The following BLM variants were observed in gnomAD, a reference collection of about 807,000 sequenced individuals.
The protein encoded by BLM is recQ-like DNA helicase BLM.
Under a neutral mutation model 135.3 loss-of-function variants are expected in BLM, and 95 were observed. The observed-to-expected ratio is 0.70, with a 90% CI of 0.59 to 0.83. The LOEUF (loss-of-function observed/expected upper bound fraction) is 0.83, where lower values mean the gene tolerates loss of function less well. BLM is among the 40% of genes least tolerant of loss of function. The pLI is 0.00. For synonymous variants in BLM, 520 were observed against 589.2 expected (o/e 0.88, Z 1.70); for missense variants, 1,518 against 1,663.9 (o/e 0.91, Z 1.53).
chr15:90,722,915 A>G (rs1390353089), intron 1 of BLM, among the ~76,000 whole-genome samples: 1 of 152,106 alleles, frequency 6.6e-6, no homozygotes, highest in African/African-American at 2.4e-5. Context: ...ATCTCGGCTC[A>G]CTGCAACCTC....
chr15:90,798,917 A>T (rs1227100712), intron 17 of BLM, among the ~76,000 whole-genome samples: 2 of 151,960 alleles, frequency 1.3e-5, no homozygotes, highest in African/African-American at 2.4e-5. Context: ...CGGGAAGTGA[A>T]GACTGCAGTG....
Position 90,749,883 on chromosome 15 carries a change from G to C in BLM, c.615G>C (p.Lys205Asn), listed in dbSNP as rs28903082. 6.2e-7 allele frequency: 1 copy of C among 1,611,530 alleles called. No individual in the cohort carries two copies. The highest frequency in any genetic ancestry group is 8.5e-7 in the Non-Finnish European group (1 of 1,178,192). The change falls in exon 3 of 22, where the codon AAG becomes AAC. Residue 205 changes from lysine to asparagine, a missense_variant. Lys to Asn is a moderately conservative substitution (Grantham distance 94, BLOSUM62 0). Transcript: ENST00000355112. ...KAQLYTTNTV[K>N]TDLPPPSSES... ...AGCTTTATACAACAAACACAGTAAAGACTGATTTGCCTCCACCCTCCTCTG... is the reference window on the plus strand; with the variant it reads ...AGCTTTATACAACAAACACAGTAAACACTGATTTGCCTCCACCCTCCTCTG...
rs141503266 is a variant in BLM, at chr15:90,749,522, G to C, written c.254G>C (p.Arg85Thr). ...EPLPNTTNQQ[R>T]VKDFFKNAPA... ...CTACCCAACACCACAAATCAGCAAA[G>C]GGTCAAGGACTTCTTTAAAAATGCT... Residue 85 changes from arginine to threonine, a missense_variant, in exon 3 of 22, where the codon AGG becomes ACG. Arg to Thr is a moderately conservative substitution (Grantham distance 71, BLOSUM62 -1). Coordinates refer to ENST00000355112, the MANE Select transcript of BLM (RefSeq NM_000057.4). 579 of 1,614,124 alleles carry C rather than the reference G, an allele frequency of 3.6e-4. 1 individual carries two copies. The African/African-American group carries it at 6.6e-3, about 19-fold the overall frequency.
chr15:90,811,769 C>T (rs1897427480), intron 21 of BLM, among the ~76,000 whole-genome samples: 1 of 152,064 alleles, frequency 6.6e-6, no homozygotes. Flanking sequence ...GTGATCCTCC[C>T]ACCTCAGCCT....
chr15:90,767,924 G>A (rs1436187164), intron 10 of BLM, among the ~76,000 whole-genome samples: 1 of 150,956 alleles, frequency 6.6e-6, no homozygotes, highest in Non-Finnish European at 1.5e-5. Context: ...ATAAGGAAGA[G>A]TTTTCCTGTT....
chr15:90,777,229 G>A (rs1197348310), intron 12 of BLM, among the ~76,000 whole-genome samples: 3 of 151,950 alleles, frequency 2.0e-5, no homozygotes, highest in African/African-American at 7.3e-5. Context: ...GTAGCTCACC[G>A]CAACCTCCAC....
intron 21 of BLM, among the ~76,000 whole-genome samples, chr15:90,812,177 G>A (rs1897437997): frequency 6.6e-6 from 1 of 152,044 alleles, no homozygotes; most frequent in South Asian, 2.1e-4. Flanking sequence ...AGAATCCCAT[G>A]GATCTCCACC....
intron 2 of BLM, among the ~76,000 whole-genome samples, chr15:90,747,871 G>A (rs900373709): frequency 9.2e-5 from 14 of 151,654 alleles, no homozygotes; most frequent in Admixed American, 6.6e-5. Context: ...GCAGTGGCGC[G>A]ATCTTGGCTC....
chr15:90,745,155 C>T lies in BLM; in HGVS notation c.-4-2234C>T, dbSNP rs910924293. On this transcript the variant is annotated intron_variant, in intron 1 of 21. Transcript: ENST00000355112. The stretch of plus-strand genomic sequence containing the variant: ...GGAACATCTTTTGAGAGGAAAGAAG[C>T]TCTCAATGACTCATAAGGTTAAGTC... Among the ~76,000 whole-genome samples, 7 of 152,246 alleles carry T rather than the reference C, an allele frequency of 4.6e-5. No individual in the cohort carries two copies. In the South Asian group the frequency reaches 1.2e-3, roughly 27 times the overall value.
At chr15:90,764,942 G>A (rs969934445) in intron 8 of BLM, among the ~76,000 whole-genome samples, 11 of 152,132 alleles carry the variant, frequency 7.2e-5, no homozygotes, top group South Asian at 6.2e-4. Context: ...GGTGGTGCAT[G>A]CCTATAGTCC....
chr15:90,770,957 TTTAAG>T (rs1054779361), intron 12 of BLM, among the ~76,000 whole-genome samples: 2 of 152,192 alleles, frequency 1.3e-5, no homozygotes, highest in African/African-American at 4.8e-5. Flanking sequence ...TCTTCCAGCC[TTTAAG>T]TTGTTTGGTT....
chr15:90,737,544 G>C (rs1030154292), intron 1 of BLM, among the ~76,000 whole-genome samples: 3 of 152,136 alleles, frequency 2.0e-5, no homozygotes, highest in Admixed American at 2.0e-4. Context: ...ATAAGAAAGT[G>C]CCTGATGGGA....
intron 14 of BLM, among the ~76,000 whole-genome samples, chr15:90,785,998 CTTTT>C (rs869185558): frequency 3.6e-5 from 4 of 110,702 alleles, no homozygotes; most frequent in Non-Finnish European, 5.8e-5. Context: ...TCGTTTCTTT[CTTTT>C]TTTTTTTTTT....
rs774777021 is a variant in BLM, at chr15:90,749,867, CAACA to C, written c.604_607del (p.Asn202GlnfsTer2). On this transcript the variant is annotated frameshift_variant, in exon 3 of 22. Coordinates refer to ENST00000355112, the MANE Select transcript of BLM (RefSeq NM_000057.4). LOFTEE classifies it high-confidence loss of function. ...AACTTTTTTAAAGCACAGCTTTATA[CAACA>C]AACACAGTAAAGACTGATTTGCCTC... 2.5e-6 allele frequency: 4 copies of C among 1,607,126 alleles called. No individual in the cohort carries two copies. The highest frequency in any genetic ancestry group is 3.4e-6 in the Non-Finnish European group (4 of 1,176,264).
intron 18 of BLM, 30 bp from the exon 19 acceptor site, chr15:90,804,137 A>C (rs755673641): frequency 1.3e-6 from 2 of 1,593,342 alleles, no homozygotes; most frequent in East Asian, 4.5e-5. Flanking sequence ...ACATATACCC[A>C]CTCCTATGAT....
chr15:90,730,066 G>A (rs1895025939), intron 1 of BLM, among the ~76,000 whole-genome samples: 1 of 151,980 alleles, frequency 6.6e-6, no homozygotes, highest in African/African-American at 2.4e-5. Flanking sequence ...ATGTTGGCCA[G>A]GCTGATCTCG....
intron 15 of BLM, among the ~76,000 whole-genome samples, chr15:90,793,532 C>T (rs1896957164): frequency 1.3e-5 from 2 of 152,196 alleles, no homozygotes; most frequent in Admixed American, 6.5e-5. Flanking sequence ...ACCCTCATTT[C>T]CTGTTTCACA....
intron 16 of BLM, among the ~76,000 whole-genome samples, chr15:90,796,433 G>A (rs1270277226): frequency 6.6e-6 from 1 of 152,150 alleles, no homozygotes; most frequent in Non-Finnish European, 1.5e-5. Flanking sequence ...TGTACACTTC[G>A]CAGCCATAGT....
In BLM at chr15:90,803,534, A is replaced by C; in HGVS notation, c.3372A>C (p.Ala1124=). The C allele has an allele frequency of 6.2e-7, 1 of 1,613,670 alleles. No homozygotes were observed. The highest frequency in any genetic ancestry group is 1.7e-5 in the Admixed American group (1 of 60,014). Residue 1124 remains alanine (A), a synonymous_variant, in exon 18 of 22, where the codon GCA becomes GCC. Transcript: ENST00000355112. The stretch of plus-strand genomic sequence containing the variant: ...TCTTCTTATCAGGGAGTAAGAGTGC[A>C]AAAATCCAGTCAGGTATATTTGGAA... ...LVDIFLGSKS[A]KIQSGIFGKG...
Sources: allele counts gnomAD v4.1 joint callset (sites outside exome capture counted in the v4.1 genomes callset), GRCh38; gene constraint gnomAD v4.1.1; transcripts MANE v1.5; gene names NCBI Gene and HGNC (gene_info 2026-07-23, HGNC 2026-07-21).